LRGUK: variants seen among roughly 807,000 people sequenced by gnomAD.
LRGUK encodes the protein leucine rich repeats and guanylate kinase domain containing.
In LRGUK, 65 loss-of-function variants were observed where a neutral mutation model predicts 76.0. That is an observed-to-expected ratio of 0.85 (90% CI 0.70 to 1.05). The LOEUF (loss-of-function observed/expected upper bound fraction) is 1.05. Ranked by LOEUF, LRGUK falls within the 50% of genes least tolerant of loss-of-function variation. LRGUK has a pLI of 0.00. For missense variants in LRGUK, 758 were observed against 732.8 expected (o/e 1.03, Z -0.40); for synonymous variants, 268 against 265.6 (o/e 1.01, Z -0.09).
intron 16 of LRGUK, among the ~76,000 whole-genome samples, chr7:134,244,400 A>C (rs1308915430): frequency 2.0e-5 from 3 of 152,218 alleles, no homozygotes; most frequent in Non-Finnish European, 4.4e-5. Context: ...AAAGGATATG[A>C]ACAGACACTT....
intron 11 of LRGUK, among the ~76,000 whole-genome samples, chr7:134,186,918 C>T (rs150995703): frequency 1.3e-5 from 2 of 152,158 alleles, no homozygotes; most frequent in Non-Finnish European, 2.9e-5. Context: ...TAGAAAGACA[C>T]TCCTAACTGC....
At chr7:134,223,404 T>G (rs1490695450) in intron 16 of LRGUK, among the ~76,000 whole-genome samples, 1 of 152,232 alleles carries the variant, frequency 6.6e-6, no homozygotes, top group Non-Finnish European at 1.5e-5. Flanking sequence ...GACCTGTGGC[T>G]CAGGCTGCGG....
chr7:134,137,570 G>A (rs1418873397), intron 2 of LRGUK, among the ~76,000 whole-genome samples: 1 of 150,760 alleles, frequency 6.6e-6, no homozygotes, highest in East Asian at 2.0e-4. Context: ...GAGGCTTTGA[G>A]CTATACCTTA....
the LRGUK span, among the ~76,000 whole-genome samples, chr7:134,270,670 A>G: frequency 6.6e-6 from 1 of 152,076 alleles, no homozygotes; most frequent in Admixed American, 6.5e-5. Context: ...TCTCAACATT[A>G]TGTTTGTAAG....
intron 18 of LRGUK, among the ~76,000 whole-genome samples, chr7:134,251,518 G>A (rs1044210731): frequency 9.9e-5 from 15 of 152,168 alleles, no homozygotes; most frequent in African/African-American, 3.6e-4. Flanking sequence ...ATGGTATCTT[G>A]TTATGGCAGC....
At chr7:134,212,374 G>A (rs1313987014), downstream of LRGUK, among the ~76,000 whole-genome samples, 1 of 152,234 alleles carries the variant, frequency 6.6e-6, no homozygotes, top group Non-Finnish European at 1.5e-5. Context: ...TGTGTACACA[G>A]CAGCATGCTA....
At chr7:134,190,609 G>A (rs1800163568) in intron 11 of LRGUK, among the ~76,000 whole-genome samples, 1 of 152,216 alleles carries the variant, frequency 6.6e-6, no homozygotes. Flanking sequence ...AGTCCTGGTG[G>A]TTGGGACCAC....
At chr7:134,173,444 G>T (rs1308924026) in intron 7 of LRGUK, among the ~76,000 whole-genome samples, 1 of 152,168 alleles carries the variant, frequency 6.6e-6, no homozygotes, top group Non-Finnish European at 1.5e-5. Flanking sequence ...ATGAAAAAGT[G>T]ATGATTAACT....
chr7:134,208,852 G>A, exon 16 of LRGUK: 1 of 398,940 alleles, frequency 2.5e-6, no homozygotes, highest in Non-Finnish European at 4.4e-6. Context: ...TAGAAAATCA[G>A]AGCGTAACTC....
At position 134,127,504 on chromosome 7, in the gene LRGUK, TG is replaced by T; in HGVS notation, c.141del (p.Gln48ArgfsTer9). On this transcript the variant is annotated frameshift_variant, in exon 1 of 16. Transcript: ENST00000645682. LOFTEE classifies it high-confidence loss of function. Reference sequence around the variant, plus strand: ...CGTCAGCCTTGCTGGTCTTTTCCCATGGGGCAGAAGACGAAAGGCAGCTCTA... The same window carrying T: ...CGTCAGCCTTGCTGGTCTTTTCCCATGGGCAGAAGACGAAAGGCAGCTCTA... 6.2e-7 allele frequency: 1 copy of T among 1,614,126 alleles called. No homozygotes were observed. The highest frequency in any genetic ancestry group is 1.3e-5 in the African/African-American group (1 of 75,026).
chr7:134,162,997 T>C (rs1798814217), intron 6 of LRGUK, among the ~76,000 whole-genome samples: 2 of 152,184 alleles, frequency 1.3e-5, no homozygotes, highest in Non-Finnish European at 1.5e-5. Context: ...GGGATTATAA[T>C]AGTCAAGTGG....
intron 19 of LRGUK, among the ~76,000 whole-genome samples, chr7:134,258,741 TAA>T (rs1286561920): frequency 2.0e-5 from 3 of 151,972 alleles, no homozygotes; most frequent in African/African-American, 4.8e-5. Context: ...ACTATAAATA[TAA>T]GTTATATATA....
At chr7:134,183,996 T>TA in intron 11 of LRGUK, 143 bp downstream of exon 11, 13 of 1,102,022 alleles carry the variant, frequency 1.2e-5, no homozygotes, top group Admixed American at 2.4e-5. Context: ...CAACTTAATA[T>TA]TTAAGTTACA....
chr7:134,178,412 G>A, intron 9 of LRGUK, 91 bp from the exon 10 acceptor site: 1 of 888,158 alleles, frequency 1.1e-6, no homozygotes, highest in South Asian at 1.7e-5. Flanking sequence ...GGCTGCACGT[G>A]AACAACATTT....
intron 16 of LRGUK, among the ~76,000 whole-genome samples, chr7:134,234,437 G>C (rs1801970763): frequency 6.6e-6 from 1 of 152,066 alleles, no homozygotes; most frequent in South Asian, 2.1e-4. Context: ...AATGATTTGT[G>C]ATGTACTAGA....
intron 16 of LRGUK, among the ~76,000 whole-genome samples, chr7:134,244,637 A>T (rs983669964): frequency 1.3e-5 from 2 of 152,218 alleles, no homozygotes; most frequent in African/African-American, 2.4e-5. Context: ...ATTGTGGAAG[A>T]CAGTGTGGTG....
At chr7:134,216,517 G>A (rs1801440686) in intron 15 of LRGUK, among the ~76,000 whole-genome samples, 1 of 152,100 alleles carries the variant, frequency 6.6e-6, no homozygotes, top group Admixed American at 6.5e-5. Flanking sequence ...AGATTATTAT[G>A]AATTTCCATG....
intron 6 of LRGUK, 70 bp from the exon 7 acceptor site, chr7:134,163,327 T>A: frequency 7.0e-7 from 1 of 1,426,206 alleles, no homozygotes; most frequent in Non-Finnish European, 9.4e-7. Flanking sequence ...GTATCCCAAA[T>A]GAAAACTTGC....
chr7:134,178,441 G>T, intron 9 of LRGUK, 62 bp from the exon 10 acceptor site: 1 of 1,305,090 alleles, frequency 7.7e-7, no homozygotes, highest in Non-Finnish European at 1.1e-6. Context: ...AAAAATCCAA[G>T]CTTTGTCTTC....
Sources: allele counts gnomAD v4.1 joint callset (sites outside exome capture counted in the v4.1 genomes callset), GRCh38; gene constraint gnomAD v4.1.1; transcripts MANE v1.5; gene names NCBI Gene and HGNC (gene_info 2026-07-23, HGNC 2026-07-21).